Variants in IL23R observed in about 807,000 individuals in gnomAD.
The protein encoded by IL23R is interleukin-23 receptor.
In IL23R, 34 loss-of-function variants were observed where a neutral mutation model predicts 56.9. The ratio of observed to expected loss-of-function variants is 0.60; its 90% CI spans 0.45 to 0.80. IL23R has a LOEUF of 0.80. Among genes scored for constraint, IL23R ranks in the 30% least tolerant of loss-of-function variants. The probability of loss-of-function intolerance (pLI) is 0.00; values close to 1 mark genes in which losing one functional copy is unlikely to be tolerated. For missense variants in IL23R, 635 were observed against 730.0 expected, an observed-to-expected ratio of 0.87 and a Z score of 1.50; for synonymous variants, 230 against 249.2, an observed-to-expected ratio of 0.92 and a Z score of 0.73.
rs78864823 is a variant in IL23R, at chr1:67,143,631, G to A, written c.-634+4470G>A. Among the ~76,000 whole-genome samples, 1,163 of 152,258 alleles carry A rather than the reference G, an allele frequency of 7.6e-3. 14 individuals are homozygous for A. The highest frequency in any genetic ancestry group is 8.7e-3 in the Non-Finnish European group (591 of 68,026). The stretch of plus-strand genomic sequence containing the variant: ...ATCATGAATTGATGGTTGTTTCTGG[G>A]ACATTATGTCTCTGGCACTTCCAGC... On this transcript the variant is annotated intron_variant, in intron 1 of 10. Coordinates refer to the IL23R transcript ENST00000637002.
chr1:67,188,040 A>G (rs1647472054), intron 4 of IL23R, among the ~76,000 whole-genome samples: 1 of 152,222 alleles, frequency 6.6e-6, no homozygotes, highest in African/African-American at 2.4e-5. Flanking sequence ...CTACAGAGTG[A>G]GACTCCATCT....
intron 4 of IL23R, among the ~76,000 whole-genome samples, chr1:67,190,700 T>C (rs1647676560): frequency 1.3e-5 from 2 of 152,152 alleles, no homozygotes; most frequent in African/African-American, 4.8e-5. Context: ...ACTGTAGATA[T>C]TTAAAAAAAA....
intron 1 of IL23R, among the ~76,000 whole-genome samples, chr1:67,148,763 T>G (rs1302551426): frequency 6.6e-6 from 1 of 152,232 alleles, no homozygotes; most frequent in Non-Finnish European, 1.5e-5. Context: ...TCCCCTTGAC[T>G]TAGTGTCCAG....
At chr1:67,230,215 A>T (rs1201180801) in intron 7 of IL23R, among the ~76,000 whole-genome samples, 2 of 152,204 alleles carry the variant, frequency 1.3e-5, no homozygotes, top group Non-Finnish European at 2.9e-5. Context: ...CCTGGGTGTT[A>T]GGGGAGGGGG....
At chr1:67,244,635 T>G (rs914688531) in intron 9 of IL23R, among the ~76,000 whole-genome samples, 36 of 152,248 alleles carry the variant, frequency 2.4e-4, no homozygotes, top group Admixed American at 5.2e-4. Flanking sequence ...TGTGTGGTGT[T>G]ATTTCTGAGG....
chr1:67,147,464 C>G (rs985074123), intron 1 of IL23R, among the ~76,000 whole-genome samples: 1 of 152,018 alleles, frequency 6.6e-6, no homozygotes, highest in African/African-American at 2.4e-5. Context: ...TTTGGGAGGC[C>G]GAGGCAGGTG....
At chr1:67,169,261 T>G (rs377474643) in intron 2 of IL23R, 81 bp from the exon 3 acceptor site, 1 of 1,097,160 alleles carries the variant, frequency 9.1e-7, no homozygotes, top group South Asian at 1.4e-5. Context: ...AATGATAAAT[T>G]TAAAATGCAA....
intron 1 of IL23R, among the ~76,000 whole-genome samples, chr1:67,147,537 A>G (rs1172449938): frequency 6.6e-6 from 1 of 152,048 alleles, no homozygotes. Context: ...TGTCTCTATC[A>G]AAAACTACAA....
chr1:67,251,164 TA>T (rs1419091615), intron 9 of IL23R, among the ~76,000 whole-genome samples: 1 of 152,010 alleles, frequency 6.6e-6, no homozygotes, highest in East Asian at 1.9e-4. Flanking sequence ...AGGAAAGACA[TA>T]AATGTGGCCA....
chr1:67,154,682 C>A (rs1461719556), intron 1 of IL23R, among the ~76,000 whole-genome samples: 1 of 152,008 alleles, frequency 6.6e-6, no homozygotes, highest in African/African-American at 2.4e-5. Flanking sequence ...GCCAATGTGT[C>A]TTTGCATGTG....
intron 1 of IL23R, among the ~76,000 whole-genome samples, chr1:67,155,387 T>C (rs1646762755): frequency 6.6e-6 from 1 of 152,200 alleles, no homozygotes; most frequent in Non-Finnish European, 1.5e-5. Context: ...AAATATGTTT[T>C]CCAACTTGGT....
intron 3 of IL23R, among the ~76,000 whole-genome samples, chr1:67,177,836 T>C (rs956886948): frequency 6.6e-6 from 1 of 151,180 alleles, no homozygotes; most frequent in African/African-American, 2.5e-5. Flanking sequence ...CTTATGCATA[T>C]GGCTAGCCAG....
chr1:67,140,285 T>G (rs1231818631), intron 1 of IL23R, among the ~76,000 whole-genome samples: 1 of 152,162 alleles, frequency 6.6e-6, no homozygotes, highest in African/African-American at 2.4e-5. Context: ...AATTTCTGTA[T>G]GTCAAAAAAA....
Position 67,200,689 on chromosome 1 carries a change from A to G in IL23R, c.492-48A>G, listed in dbSNP as rs1042966494. ...TGTGAGCCACCATGCCTGGCCAATT[A>G]ATTCAAACTAAATACAATTTATGAT... On this transcript the variant is annotated intron_variant, in intron 4 of 10. Transcript: ENST00000347310. 2.5e-6 allele frequency: 4 copies of G among 1,592,892 alleles called. No homozygotes were observed. The African/African-American group carries it at 5.4e-5, about 21-fold the overall frequency.
chr1:67,258,440 T>C (rs1653069297), intron 10 of IL23R, 38 bp from the exon 11 acceptor site: 1 of 1,520,744 alleles, frequency 6.6e-7, no homozygotes. Context: ...TTCTTTTAAA[T>C]GTCTTTTGCA....
rs776389611 is a variant in IL23R, at chr1:67,236,733, G to A, written c.976G>A (p.Ala326Thr). 4.3e-6 allele frequency: 7 copies of A among 1,613,258 alleles called. No homozygotes were observed. In the African/African-American group the frequency reaches 5.3e-5, roughly 12 times the overall value. ...TTAAGTTCCCCAGGTCACATCAAAA[G>A]CATTCCAACATGACACATGGAATTC... ...PETVPQVTSK[A>T]FQHDTWNSGL... is the part of the protein sequence containing the mutation. Residue 326 changes from alanine to threonine, a missense_variant, in exon 8 of 11, where the codon GCA becomes ACA. Physicochemically the swap from Ala to Thr is moderately conservative, Grantham distance 58 (BLOSUM62 0). Coordinates refer to ENST00000347310, the MANE Select transcript of IL23R (RefSeq NM_144701.3).
intron 2 of IL23R, 33 bp downstream of exon 2, chr1:67,168,223 C>T (rs987345882): frequency 7.2e-7 from 1 of 1,397,682 alleles, no homozygotes; most frequent in Non-Finnish European, 1.0e-6. Context: ...TGCTATCTTT[C>T]ATTCAACAAA....
intron 8 of IL23R, among the ~76,000 whole-genome samples, chr1:67,237,070 C>A (rs1453591053): frequency 3.9e-5 from 6 of 151,954 alleles, no homozygotes; most frequent in Admixed American, 3.3e-4. Flanking sequence ...TGAGACGAAG[C>A]CTTGTTCTGT....
intron 7 of IL23R, among the ~76,000 whole-genome samples, chr1:67,225,445 T>C (rs1411086243): frequency 2.0e-5 from 3 of 152,004 alleles, no homozygotes; most frequent in Non-Finnish European, 4.4e-5. Flanking sequence ...TACCAGCTAA[T>C]TATGGGCTAT....
Sources: allele counts gnomAD v4.1 joint callset (sites outside exome capture counted in the v4.1 genomes callset), GRCh38; gene constraint gnomAD v4.1.1; transcripts MANE v1.5; gene names NCBI Gene and HGNC (gene_info 2026-07-23, HGNC 2026-07-21).